The following RIMS2 variants were observed in gnomAD, a reference collection of about 807,000 sequenced individuals.
RIMS2 encodes the protein regulating synaptic membrane exocytosis 2.
Under a neutral mutation model 174.4 loss-of-function variants are expected in RIMS2, and 59 were observed. The ratio of observed to expected loss-of-function variants is 0.34; its 90% confidence interval spans 0.27 to 0.42. The LOEUF (loss-of-function observed/expected upper bound fraction) is 0.42. Ranked by LOEUF, RIMS2 falls within the 10% of genes least tolerant of loss-of-function variation. The probability of loss-of-function intolerance (pLI) is 1.00; values close to 1 mark genes in which losing one functional copy is unlikely to be tolerated. For synonymous variants in RIMS2, 606 were observed against 572.5 expected (o/e 1.06, Z -0.84); for missense variants, 1,620 against 1,666.3 (o/e 0.97, Z 0.48).
intron 23 of RIMS2, 129 bp from the exon 30 acceptor site, chr8:104,251,473 T>A: frequency 1.5e-6 from 1 of 653,386 alleles, no homozygotes; most frequent in Non-Finnish European, 2.7e-6. Context: ...TATTCTATTA[T>A]GCAGATTTTA....
At chr8:103,995,161 C>A (rs2094999435) in intron 17 of RIMS2, among the ~76,000 whole-genome samples, 1 of 151,976 alleles carries the variant, frequency 6.6e-6, no homozygotes, top group Non-Finnish European at 1.5e-5. Context: ...TGAACCACTG[C>A]TCTTTTTTGA....
intron 10 of RIMS2, chr8:103,922,709 A>G: frequency 2.9e-6 from 1 of 347,088 alleles, no homozygotes; most frequent in South Asian, 2.1e-5. Flanking sequence ...TTTTTGTTAA[A>G]TTAGCTATGA....
chr8:104,131,051 C>T (rs1327332937), intron 19 of RIMS2, among the ~76,000 whole-genome samples: 1 of 152,074 alleles, frequency 6.6e-6, no homozygotes, highest in Non-Finnish European at 1.5e-5. Context: ...ATGAAGGAGT[C>T]ATTAAAGAAA....
chr8:103,536,094 A>T (rs1839637308), intron 1 of RIMS2, among the ~76,000 whole-genome samples: 1 of 152,140 alleles, frequency 6.6e-6, no homozygotes, highest in Admixed American at 6.5e-5. Context: ...CTTTAGTGTC[A>T]TCATATTGTG....
intron 1 of RIMS2, among the ~76,000 whole-genome samples, chr8:103,553,169 T>C (rs111286589): frequency 0.18 from 27,376 of 151,576 alleles, 2,699 homozygotes; most frequent in African/African-American, 0.25. Flanking sequence ...TGGCACTATT[T>C]ACAATAGCAA....
At chr8:103,767,746 AG>A (rs2098193308) in intron 3 of RIMS2, among the ~76,000 whole-genome samples, 1 of 152,206 alleles carries the variant, frequency 6.6e-6, no homozygotes. Context: ...TGAGAGAAAA[AG>A]AAAACAATGA....
chr8:104,010,549 C>G (rs1211463853), intron 17 of RIMS2, among the ~76,000 whole-genome samples: 4 of 152,078 alleles, frequency 2.6e-5, no homozygotes, highest in Non-Finnish European at 4.4e-5. Context: ...AGTGGAGGGG[C>G]TGATACACAG....
At chr8:103,929,896 T>A (rs1391093961) in intron 11 of RIMS2, among the ~76,000 whole-genome samples, 1 of 151,902 alleles carries the variant, frequency 6.6e-6, no homozygotes, top group Admixed American at 6.6e-5. Flanking sequence ...TCTAAGGCAG[T>A]GGTTCTCAAA....
chr8:104,239,864 G>A (rs1239261384), intron 19 of RIMS2, among the ~76,000 whole-genome samples: 1 of 152,172 alleles, frequency 6.6e-6, no homozygotes, highest in Non-Finnish European at 1.5e-5. Context: ...AAATGAAGAT[G>A]TTGCCTGGGC....
intron 2 of RIMS2, among the ~76,000 whole-genome samples, chr8:103,737,327 G>A (rs1341126084): frequency 6.6e-6 from 1 of 151,534 alleles, no homozygotes; most frequent in Non-Finnish European, 1.5e-5. Flanking sequence ...GGGATTACAG[G>A]TGCATGCCAC....
At chr8:103,615,217 C>G (rs1052595292) in intron 1 of RIMS2, among the ~76,000 whole-genome samples, 1 of 152,064 alleles carries the variant, frequency 6.6e-6, no homozygotes. Flanking sequence ...AAATAGAAGT[C>G]AAGACTATGA....
At chr8:104,034,618 C>T (rs569965315) in intron 19 of RIMS2, among the ~76,000 whole-genome samples, 3 of 151,658 alleles carry the variant, frequency 2.0e-5, no homozygotes, top group African/African-American at 4.8e-5. Context: ...TATAGGCACC[C>T]GCCACCACGC....
intron 19 of RIMS2, 77 bp from the exon 26 acceptor site, chr8:104,244,839 A>T (rs1220015333): frequency 8.8e-7 from 1 of 1,141,858 alleles, no homozygotes; most frequent in African/African-American, 1.5e-5. Flanking sequence ...GCATCTGATG[A>T]TCTCAGAGCC....
At chr8:103,736,073 G>A (rs950398631) in intron 2 of RIMS2, among the ~76,000 whole-genome samples, 4 of 151,992 alleles carry the variant, frequency 2.6e-5, no homozygotes, top group African/African-American at 9.7e-5. Flanking sequence ...ATCTTCCTTT[G>A]TGGCACCTTG....
At chr8:104,047,613 CA>C (rs1169708731) in intron 19 of RIMS2, among the ~76,000 whole-genome samples, 2 of 152,064 alleles carry the variant, frequency 1.3e-5, no homozygotes, top group Admixed American at 6.5e-5. Context: ...CAGTACAGAG[CA>C]AGCACCATAA....
intron 2 of RIMS2, among the ~76,000 whole-genome samples, chr8:103,712,885 T>C (rs2097323907): frequency 6.6e-6 from 1 of 152,182 alleles, no homozygotes; most frequent in Admixed American, 6.5e-5. Context: ...AAAAAGTAAA[T>C]GAAAAATAAA....
intron 2 of RIMS2, among the ~76,000 whole-genome samples, chr8:103,748,688 C>T (rs2097850153): frequency 6.6e-6 from 1 of 152,078 alleles, no homozygotes; most frequent in Admixed American, 6.5e-5. Context: ...TCTTTACCAT[C>T]TGTTAATCTT....
intron 2 of RIMS2, among the ~76,000 whole-genome samples, chr8:103,765,678 A>T (rs1325464165): frequency 1.3e-5 from 2 of 152,158 alleles, no homozygotes; most frequent in Admixed American, 1.3e-4. Flanking sequence ...TGCGGTTAGA[A>T]TGTTAACCTA....
At chr8:104,013,669 C>T in intron 18 of RIMS2, 48 bp downstream of exon 20, 3 of 1,506,210 alleles carry the variant, frequency 2.0e-6, no homozygotes, top group Non-Finnish European at 2.8e-6. Flanking sequence ...CCCACCAGCA[C>T]ACCATTTTAT....
Sources: allele counts gnomAD v4.1 joint callset (sites outside exome capture counted in the v4.1 genomes callset), GRCh38; gene constraint gnomAD v4.1.1; transcripts MANE v1.5; gene names NCBI Gene and HGNC (gene_info 2026-07-23, HGNC 2026-07-21).